FKBP11: variants seen among roughly 807,000 people sequenced by gnomAD.
FKBP11 encodes FKBP prolyl isomerase 11.
A neutral mutation model predicts 24.7 loss-of-function variants in FKBP11; 21 were observed. That is an observed-to-expected ratio of 0.85 (90% CI 0.60 to 1.23). The LOEUF (loss-of-function observed/expected upper bound fraction) is 1.23, where lower values mean the gene tolerates loss of function less well. Ranked by LOEUF, FKBP11 falls within the 50% of genes most tolerant of loss-of-function variation. The probability of loss-of-function intolerance (pLI) is 0.00; values close to 1 mark genes in which losing one functional copy is unlikely to be tolerated. For synonymous variants in FKBP11, 106 were observed against 100.6 expected (o/e 1.05, Z -0.32); for missense variants, 245 against 248.7 (o/e 0.99, Z 0.10).
At chr12:48,932,995 G>A in the FKBP11 span, among the ~76,000 whole-genome samples, 6 of 152,162 alleles carry the variant, frequency 3.9e-5, no homozygotes, top group Admixed American at 6.5e-5. Context: ...GAAGCCGGAA[G>A]TGCTCCTCAA....
chr12:48,935,317 T>C, the FKBP11 span, among the ~76,000 whole-genome samples: 130 of 152,280 alleles, frequency 8.5e-4, no homozygotes, highest in African/African-American at 3.0e-3. Flanking sequence ...AGTAACTGAA[T>C]ATAAATTATA....
rs1365002415 is a variant in FKBP11, at chr12:48,924,542, G to C, written c.283+19C>G. On this transcript the variant is annotated intron_variant, in intron 3 of 5. Coordinates refer to ENST00000550765, the MANE Select transcript of FKBP11 (RefSeq NM_016594.3). ...GCTTAGGTTGGGAAGAGGTGGAATGGGAGGCACAGGTCACATACCTGGAAT... is the reference window on the plus strand; with the variant it reads ...GCTTAGGTTGGGAAGAGGTGGAATGCGAGGCACAGGTCACATACCTGGAAT... The C allele has an allele frequency of 1.0e-5, 16 of 1,606,030 alleles. No homozygotes were observed. The highest frequency in any genetic ancestry group is 1.4e-5 in the Non-Finnish European group (16 of 1,172,674).
At chr12:48,928,818 C>CTTTTTTTTTTTTTTTTT (rs1196484675), upstream of FKBP11, among the ~76,000 whole-genome samples, 10 of 94,234 alleles carry the variant, frequency 1.1e-4, no homozygotes, top group African/African-American at 3.5e-4. Context: ...AAACTTCTAT[C>CTTTTTTTTTTTTTTTTT]TTTTTTTTTT....
chr12:48,931,567 A>G, the FKBP11 span: 2 of 1,115,526 alleles, frequency 1.8e-6, no homozygotes, highest in East Asian at 5.2e-5. Context: ...ACTTAATCAC[A>G]GAACCATTGC....
chr12:48,938,452 A>G, the FKBP11 span: 3 of 453,460 alleles, frequency 6.6e-6, no homozygotes, highest in South Asian at 3.1e-5. Context: ...CCCCACAAAT[A>G]TATCTCTCTA....
chr12:48,922,378 T>G, intron 5 of FKBP11, 177 bp from the exon 6 acceptor site: 1 of 702,158 alleles, frequency 1.4e-6, no homozygotes. Context: ...ACGAGCAGAG[T>G]CCAGTGATAA....
the FKBP11 span, among the ~76,000 whole-genome samples, chr12:48,934,534 C>A: frequency 1.3e-5 from 2 of 152,170 alleles, no homozygotes; most frequent in Admixed American, 1.3e-4. Flanking sequence ...CACAAGAGGG[C>A]TCCCCTCTAC....
chr12:48,924,662 G>C lies in FKBP11; in HGVS notation c.196-14C>G, dbSNP rs1342348149. 1 of 1,610,318 alleles carries C rather than the reference G, an allele frequency of 6.2e-7. No homozygotes were observed. The highest frequency in any genetic ancestry group is 2.2e-5 in the East Asian group (1 of 44,872). On this transcript the variant is annotated splice_polypyrimidine_tract_variant and intron_variant, in intron 2 of 5. Transcript: ENST00000550765. The stretch of plus-strand genomic sequence containing the variant: ...TACCAAGCTTCCCTGGGGGGAGAGA[G>C]CATCAAGAGCATACATCTAGCACCC...
chr12:48,923,412 A>G (rs1356707918), intron 5 of FKBP11: 4 of 1,459,922 alleles, frequency 2.7e-6, no homozygotes, highest in African/African-American at 1.4e-5. Context: ...GGAGGCTGAA[A>G]GGAAGGGGTG....
chr12:48,922,683 T>C (rs1370415026), intron 5 of FKBP11: 1 of 993,456 alleles, frequency 1.0e-6, no homozygotes, highest in Admixed American at 5.7e-5. Context: ...GGAAGAAGGA[T>C]GAGGATGCTG....
chr12:48,929,998 C>A (rs1179370281), upstream of FKBP11, among the ~76,000 whole-genome samples: 1 of 152,156 alleles, frequency 6.6e-6, no homozygotes, highest in Admixed American at 6.5e-5. Context: ...TTTGTGTATG[C>A]CCCATTCCTC....
chr12:48,930,464 T>C (rs1940033833), upstream of FKBP11, among the ~76,000 whole-genome samples: 1 of 152,234 alleles, frequency 6.6e-6, no homozygotes, highest in South Asian at 2.1e-4. Context: ...ATTACTTTGG[T>C]TATAATTTTT....
chr12:48,924,121 G>A, intron 4 of FKBP11, 102 bp downstream of exon 4: 1 of 1,368,402 alleles, frequency 7.3e-7, no homozygotes, highest in Non-Finnish European at 1.0e-6. Context: ...GGGAAGCAGG[G>A]TCCTTTATTC....
chr12:48,937,910 C>T, the FKBP11 span: 2 of 160,742 alleles, frequency 1.2e-5, no homozygotes. Flanking sequence ...CCATGCCTCA[C>T]CTTCTCCTAA....
upstream of FKBP11, among the ~76,000 whole-genome samples, chr12:48,931,239 C>A (rs1374273078): frequency 6.7e-6 from 1 of 148,600 alleles, no homozygotes; most frequent in African/African-American, 2.5e-5. Flanking sequence ...GATGACACAG[C>A]ATACTGCACT....
chr12:48,924,884 G>A, intron 2 of FKBP11, 162 bp downstream of exon 2: 1 of 1,444,040 alleles, frequency 6.9e-7, no homozygotes, highest in Non-Finnish European at 9.1e-7. Context: ...GGGAAAAGAG[G>A]CACGGAAGAG....
In FKBP11 at chr12:48,924,589, T is replaced by C; in HGVS notation, c.255A>G (p.Ile85Met). Residue 85 changes from isoleucine to methionine, a missense_variant, in exon 3 of 6, where the codon ATA (isoleucine) becomes ATG (methionine). Transcript: ENST00000550765. ...DTSLTRDPLV[I>M]ELGQKQVIPG... ...GAATCACCTGCTTTTGGCCAAGTTCTATAACCAGAGGGTCTCTGGTCAGGG... is the reference window on the plus strand; with the variant it reads ...GAATCACCTGCTTTTGGCCAAGTTCCATAACCAGAGGGTCTCTGGTCAGGG... 1 of 1,614,102 alleles carries C rather than the reference T, an allele frequency of 6.2e-7. No individual in the cohort carries two copies. The highest frequency in any genetic ancestry group is 8.5e-7 in the Non-Finnish European group (1 of 1,179,992).
At chr12:48,924,514 AG>A in intron 3 of FKBP11, 46 bp downstream of exon 3, 3 of 1,552,558 alleles carry the variant, frequency 1.9e-6, no homozygotes, top group Non-Finnish European at 2.7e-6. Context: ...AGGCTAAGAA[AG>A]GGCTTAGGTT....
chr12:48,926,702 A>AT (rs1303934066), upstream of FKBP11, among the ~76,000 whole-genome samples: 1 of 151,658 alleles, frequency 6.6e-6, no homozygotes, highest in Non-Finnish European at 1.5e-5. Flanking sequence ...CATGTCTGTC[A>AT]GGCTGGTCTC....
Sources: allele counts gnomAD v4.1 joint callset (sites outside exome capture counted in the v4.1 genomes callset), GRCh38; gene constraint gnomAD v4.1.1; transcripts MANE v1.5; gene names NCBI Gene and HGNC (gene_info 2026-07-23, HGNC 2026-07-21).